CWC27: variants seen among roughly 807,000 people sequenced by gnomAD.
CWC27 encodes CWC27 spliceosome associated cyclophilin, also known as spliceosome-associated protein CWC27 homolog.
A neutral mutation model predicts 63.6 loss-of-function variants in CWC27; 47 were observed. The observed-to-expected ratio is 0.74, with a 90% CI of 0.58 to 0.94. The LOEUF (loss-of-function observed/expected upper bound fraction) is 0.94. Ranked by LOEUF, CWC27 falls within the 40% of genes least tolerant of loss-of-function variation. The probability of loss-of-function intolerance (pLI) is 0.00; values close to 1 mark genes in which losing one functional copy is unlikely to be tolerated. For missense variants in CWC27, 495 were observed against 554.3 expected (o/e 0.89, Z 1.07); for synonymous variants, 175 against 179.8 (o/e 0.97, Z 0.22).
chr5:64,791,160 G>A (rs940112845), intron 7 of CWC27, among the ~76,000 whole-genome samples: 2 of 141,852 alleles, frequency 1.4e-5, no homozygotes, highest in African/African-American at 5.2e-5. Flanking sequence ...GAGAGCAAGG[G>A]CAGGAGAAAG....
chr5:64,977,270 G>T, intron 13 of CWC27, 32 bp downstream of exon 13: 1 of 1,424,084 alleles, frequency 7.0e-7, no homozygotes, highest in South Asian at 1.2e-5. Context: ...TATTAACCAT[G>T]AACAAATAGT....
At chr5:64,840,827 C>T (rs939614178) in intron 10 of CWC27, among the ~76,000 whole-genome samples, 2 of 152,066 alleles carry the variant, frequency 1.3e-5, no homozygotes, top group Non-Finnish European at 2.9e-5. Flanking sequence ...TCATAAGGGG[C>T]TAATCAAGGC....
chr5:64,777,701 A>T (rs1370353524), intron 2 of CWC27, among the ~76,000 whole-genome samples: 1 of 152,114 alleles, frequency 6.6e-6, no homozygotes, highest in Non-Finnish European at 1.5e-5. Flanking sequence ...GCATAATGAA[A>T]TAATAAAGCT....
chr5:64,793,996 AT>A (rs991388600), intron 7 of CWC27, among the ~76,000 whole-genome samples: 62 of 152,104 alleles, frequency 4.1e-4, no homozygotes, highest in African/African-American at 1.4e-3. Context: ...GCTTTCCTTC[AT>A]TATTTATTTC....
chr5:65,017,049 C>A (rs571125792), intron 13 of CWC27, among the ~76,000 whole-genome samples: 1 of 152,084 alleles, frequency 6.6e-6, no homozygotes, highest in Non-Finnish European at 1.5e-5. Context: ...TCGCCGGGCA[C>A]GGTGGCTCAC....
intron 11 of CWC27, among the ~76,000 whole-genome samples, chr5:64,931,970 C>G (rs760356360): frequency 6.6e-6 from 1 of 152,046 alleles, no homozygotes; most frequent in Non-Finnish European, 1.5e-5. Flanking sequence ...AGAAAGCATC[C>G]TTGTACACTT....
intron 10 of CWC27, among the ~76,000 whole-genome samples, chr5:64,845,813 A>G (rs928744670): frequency 1.3e-5 from 2 of 152,234 alleles, no homozygotes; most frequent in African/African-American, 4.8e-5. Context: ...CACAAAGCCT[A>G]TTTAAGGAAA....
chr5:64,990,273 T>G (rs1413471041), intron 13 of CWC27, among the ~76,000 whole-genome samples: 1 of 81,978 alleles, frequency 1.2e-5, no homozygotes, highest in African/African-American at 5.2e-5. Flanking sequence ...TTTGTTTTTT[T>G]TTTTTTTTTG....
At chr5:65,007,976 C>G (rs1300339725) in intron 13 of CWC27, among the ~76,000 whole-genome samples, 1 of 152,134 alleles carries the variant, frequency 6.6e-6, no homozygotes, top group Non-Finnish European at 1.5e-5. Flanking sequence ...GCTGTCCCAC[C>G]CTTATGACCT....
intron 10 of CWC27, among the ~76,000 whole-genome samples, chr5:64,831,724 T>C (rs1745527162): frequency 6.6e-6 from 1 of 151,788 alleles, no homozygotes; most frequent in Non-Finnish European, 1.5e-5. Flanking sequence ...AAATAAAAGT[T>C]GGAAAGGAAA....
intron 10 of CWC27, among the ~76,000 whole-genome samples, chr5:64,862,290 T>C (rs73105205): frequency 0.011 from 1,644 of 152,272 alleles, 25 homozygotes; most frequent in African/African-American, 0.037. Flanking sequence ...CATGCTACTA[T>C]GGCCAGCGCA....
intron 7 of CWC27, 61 bp from the exon 8 acceptor site, chr5:64,800,187 C>A: frequency 1.7e-6 from 2 of 1,147,888 alleles, no homozygotes; most frequent in South Asian, 1.4e-5. Flanking sequence ...AATTTGTTAA[C>A]TTGTTATTTA....
chr5:64,994,459 C>T (rs551418816), intron 13 of CWC27, among the ~76,000 whole-genome samples: 1 of 152,126 alleles, frequency 6.6e-6, no homozygotes, highest in Non-Finnish European at 1.5e-5. Context: ...ATTGTTATTT[C>T]CTGCATCAGG....
intron 10 of CWC27, among the ~76,000 whole-genome samples, chr5:64,842,656 G>T (rs1260365462): frequency 1.3e-5 from 2 of 151,218 alleles, no homozygotes; most frequent in African/African-American, 4.9e-5. Flanking sequence ...CTGGAGTGCA[G>T]TGGCATGATC....
chr5:64,828,606 C>A (rs1745430904), intron 10 of CWC27, among the ~76,000 whole-genome samples: 1 of 151,764 alleles, frequency 6.6e-6, no homozygotes, highest in Non-Finnish European at 1.5e-5. Flanking sequence ...AGGATTAATG[C>A]CCTTATAAAA....
intron 11 of CWC27, among the ~76,000 whole-genome samples, chr5:64,956,610 A>G (rs1748806236): frequency 6.6e-6 from 1 of 152,142 alleles, no homozygotes; most frequent in Non-Finnish European, 1.5e-5. Context: ...ACCACTACAC[A>G]GTAATAGTGT....
At chr5:64,816,866 AAG>A (rs1338414353) in intron 10 of CWC27, among the ~76,000 whole-genome samples, 2 of 151,998 alleles carry the variant, frequency 1.3e-5, no homozygotes, top group Non-Finnish European at 2.9e-5. Flanking sequence ...TTTTTCCTGG[AAG>A]AGAGTCATAT....
intron 10 of CWC27, among the ~76,000 whole-genome samples, chr5:64,866,533 A>C (rs1285076178): frequency 1.3e-5 from 2 of 152,044 alleles, no homozygotes; most frequent in African/African-American, 4.8e-5. Context: ...TAACATAGGC[A>C]TTTACTTACA....
chr5:64,856,318 T>C (rs1432896502), intron 10 of CWC27, among the ~76,000 whole-genome samples: 2 of 151,920 alleles, frequency 1.3e-5, no homozygotes, highest in East Asian at 3.8e-4. Flanking sequence ...GTTTCCCTAG[T>C]TAGGAGAAAT....
Sources: allele counts gnomAD v4.1 joint callset (sites outside exome capture counted in the v4.1 genomes callset), GRCh38; gene constraint gnomAD v4.1.1; transcripts MANE v1.5; gene names NCBI Gene and HGNC (gene_info 2026-07-23, HGNC 2026-07-21).